The following IMMP1L variants were observed in gnomAD, a reference collection of about 807,000 sequenced individuals.
IMMP1L encodes mitochondrial inner membrane protease subunit 1.
In IMMP1L, 24 loss-of-function variants were observed where a neutral mutation model predicts 21.8. The observed-to-expected ratio is 1.10, with a 90% CI of 0.80 to 1.55. The LOEUF is 1.55. Ranked by LOEUF, IMMP1L falls within the 40% of genes most tolerant of loss-of-function variation. The pLI is 0.00. For missense variants in IMMP1L, 195 were observed against 200.7 expected, an observed-to-expected ratio of 0.97 and a Z score of 0.17; for synonymous variants, 46 against 62.8, an observed-to-expected ratio of 0.73 and a Z score of 1.26.
Position 31,463,321 on chromosome 11 carries a change from A to C in IMMP1L, c.-29-16T>G. ...CACCATTGGCCTGATGGTAAATTTC[A>C]AAAAGTTTCATGATCAATACTATTT... On this transcript the variant is annotated splice_polypyrimidine_tract_variant and intron_variant, in intron 1 of 5. Transcript: ENST00000532287. The C allele has an allele frequency of 1.9e-6, 3 of 1,563,720 alleles. No individual in the cohort carries two copies. Among genetic ancestry groups the C allele is most frequent in the Non-Finnish European group, 2.6e-6 (3 of 1,163,094 alleles).
At chr11:31,463,623 G>C (rs1163125729) in intron 1 of IMMP1L, among the ~76,000 whole-genome samples, 2 of 152,064 alleles carry the variant, frequency 1.3e-5, no homozygotes, top group African/African-American at 2.4e-5. Flanking sequence ...GCTTAAAAAA[G>C]ATAGTAACTC....
chr11:31,501,262 T>A (rs1592049738), intron 1 of IMMP1L, among the ~76,000 whole-genome samples: 1 of 152,350 alleles, frequency 6.6e-6, no homozygotes, highest in South Asian at 2.1e-4. Flanking sequence ...ACAGTCTGAA[T>A]GTGTCCCCCA....
intron 1 of IMMP1L, chr11:31,477,646 G>T: frequency 2.2e-6 from 1 of 456,902 alleles, no homozygotes; most frequent in Non-Finnish European, 2.9e-6. Flanking sequence ...TTTTTCTGCA[G>T]TGAAGGTGTT....
At chr11:31,447,760 CA>C (rs1308221022) in intron 4 of IMMP1L, among the ~76,000 whole-genome samples, 1 of 152,190 alleles carries the variant, frequency 6.6e-6, no homozygotes, top group African/African-American at 2.4e-5. Flanking sequence ...GCTAATTTAA[CA>C]TCTTTAGCCA....
At chr11:31,437,445 T>C (rs1376384203) in intron 4 of IMMP1L, among the ~76,000 whole-genome samples, 1 of 152,198 alleles carries the variant, frequency 6.6e-6, no homozygotes, top group Non-Finnish European at 1.5e-5. Context: ...GGGAGCATAT[T>C]GGATTTCGCA....
Position 31,473,252 on chromosome 11 carries a change from T to C in IMMP1L, c.-29-9947A>G, listed in dbSNP as rs553244274. 1.1e-3 allele frequency among the ~76,000 whole-genome samples: 164 copies of C among 152,302 alleles called. 3 individuals carry two copies. Among genetic ancestry groups the C allele is most frequent in the African/African-American group, 3.5e-3 (147 of 41,564 alleles). On this transcript the variant is annotated intron_variant, in intron 1 of 5. Coordinates refer to ENST00000532287, the MANE Select transcript of IMMP1L (RefSeq NM_001304274.2). The stretch of plus-strand genomic sequence containing the variant: ...TTTTAGTAGAGACGGGATTTCACCA[T>C]GTTAGCCAGGATGGTCTTCATCTCC...
At chr11:31,445,479 C>A (rs1156585619) in intron 4 of IMMP1L, among the ~76,000 whole-genome samples, 1 of 152,072 alleles carries the variant, frequency 6.6e-6, no homozygotes, top group South Asian at 2.1e-4. Context: ...AAATAGATTA[C>A]CAGTAGAAAG....
At chr11:31,440,107 T>G (rs1309550951) in intron 4 of IMMP1L, among the ~76,000 whole-genome samples, 1 of 152,208 alleles carries the variant, frequency 6.6e-6, no homozygotes, top group Admixed American at 6.5e-5. Context: ...ACCTGTACCC[T>G]AATCTTTGTC....
intron 1 of IMMP1L, among the ~76,000 whole-genome samples, chr11:31,469,366 G>A (rs60812673): frequency 1.3e-5 from 2 of 151,660 alleles, no homozygotes; most frequent in South Asian, 4.2e-4. Flanking sequence ...AAAAAAAACA[G>A]AAGGAAAGAC....
At chr11:31,500,528 T>A (rs2133823900) in intron 1 of IMMP1L, among the ~76,000 whole-genome samples, 1 of 150,968 alleles carries the variant, frequency 6.6e-6, no homozygotes, top group Non-Finnish European at 1.5e-5. Flanking sequence ...TCCAAAGGAG[T>A]TAATCTTCCT....
intron 1 of IMMP1L, among the ~76,000 whole-genome samples, chr11:31,471,579 T>C (rs566203227): frequency 6.6e-6 from 1 of 152,274 alleles, no homozygotes; most frequent in Admixed American, 6.5e-5. Context: ...AGATTGGGTT[T>C]TCATAGAAGT....
At chr11:31,467,727 C>T (rs1297488055) in intron 1 of IMMP1L, among the ~76,000 whole-genome samples, 1 of 151,078 alleles carries the variant, frequency 6.6e-6, no homozygotes, top group Admixed American at 6.6e-5. Context: ...CTAAAATATA[C>T]TGGGTGAAAC....
At chr11:31,448,849 G>A (rs1953635679) in intron 4 of IMMP1L, 2 of 641,936 alleles carry the variant, frequency 3.1e-6, no homozygotes, top group African/African-American at 2.0e-5. Context: ...ATTCTTTAGT[G>A]TTGACATCTG....
intron 1 of IMMP1L, among the ~76,000 whole-genome samples, chr11:31,486,663 C>T (rs964388398): frequency 6.6e-6 from 1 of 151,812 alleles, no homozygotes; most frequent in Non-Finnish European, 1.5e-5. Context: ...ATACTAGAAA[C>T]AACTCAATGA....
chr11:31,456,943 T>C (rs1293239586), intron 3 of IMMP1L, among the ~76,000 whole-genome samples: 1 of 4,434 alleles, frequency 2.3e-4, no homozygotes, highest in Non-Finnish European at 4.4e-4. Context: ...AAACCCCAAG[T>C]GAACCAAAAA....
At chr11:31,441,608 AAC>A (rs1363155302) in intron 4 of IMMP1L, among the ~76,000 whole-genome samples, 3 of 152,098 alleles carry the variant, frequency 2.0e-5, no homozygotes, top group Non-Finnish European at 4.4e-5. Context: ...TCTAACTTTA[AAC>A]ACAGTTATTG....
At chr11:31,493,314 G>A (rs777479870) in intron 1 of IMMP1L, among the ~76,000 whole-genome samples, 29 of 152,076 alleles carry the variant, frequency 1.9e-4, no homozygotes, top group Non-Finnish European at 3.7e-4. Flanking sequence ...ACATGGTGGC[G>A]GGAAGGAGAA....
chr11:31,499,781 C>A (rs997656990), intron 1 of IMMP1L, among the ~76,000 whole-genome samples: 8 of 151,910 alleles, frequency 5.3e-5, no homozygotes, highest in African/African-American at 1.9e-4. Flanking sequence ...GGTCATATTA[C>A]CCGCAAAACC....
At chr11:31,445,632 C>T (rs191474969) in intron 4 of IMMP1L, among the ~76,000 whole-genome samples, 3 of 152,088 alleles carry the variant, frequency 2.0e-5, no homozygotes, top group Admixed American at 1.3e-4. Context: ...CTCATCGAAA[C>T]ACAACTCTAA....
Sources: allele counts gnomAD v4.1 joint callset (sites outside exome capture counted in the v4.1 genomes callset), GRCh38; gene constraint gnomAD v4.1.1; transcripts MANE v1.5; gene names NCBI Gene and HGNC (gene_info 2026-07-23, HGNC 2026-07-21).